The following MVP variants were observed in gnomAD, a reference collection of about 807,000 sequenced individuals.
MVP encodes lung resistance-related protein.
A neutral mutation model predicts 83.5 loss-of-function variants in MVP; 62 were observed. That is an observed-to-expected ratio of 0.74 (90% CI 0.61 to 0.92). The LOEUF (loss-of-function observed/expected upper bound fraction) is 0.92, where lower values mean the gene tolerates loss of function less well. Among genes scored for constraint, MVP ranks in the 40% least tolerant of loss-of-function variants. MVP has a pLI of 0.00. For missense variants in MVP, 1,000 were observed against 1,203.4 expected, an observed-to-expected ratio of 0.83 and a Z score of 2.50; for synonymous variants, 505 against 504.1, an observed-to-expected ratio of 1.00 and a Z score of -0.02.
At chr16:29,832,347 G>A (rs2067450407) in intron 3 of MVP, among the ~76,000 whole-genome samples, 1 of 142,852 alleles carries the variant, frequency 7.0e-6, no homozygotes, top group South Asian at 2.2e-4. Flanking sequence ...GCCCAGGCTG[G>A]AGTACAGTGG....
Position 29,830,585 on chromosome 16 carries a change from A to G in MVP, c.36A>G (p.Pro12=). The change falls in exon 2 of 15, where the codon CCA becomes CCG. Residue 12 remains proline (P), a synonymous_variant. Transcript: ENST00000357402. ...AAGAGTTCATCATCCGCATCCCCCC[A>G]TACCACTATATCCATGTGCTGGACC... ...ATEEFIIRIP[P]YHYIHVLDQN... is the part of the protein sequence containing the mutation. 6.2e-7 allele frequency: 1 copy of G among 1,613,928 alleles called. No individual in the cohort carries two copies. The highest frequency in any genetic ancestry group is 1.7e-5 in the Admixed American group (1 of 59,980).
chr16:29,845,206 A>AG (rs2067573766), intron 11 of MVP, among the ~76,000 whole-genome samples: 1 of 151,422 alleles, frequency 6.6e-6, no homozygotes, highest in Admixed American at 6.6e-5. Context: ...AAAGAAAAAA[A>AG]AAAAAAAAAG....
intron 1 of MVP, among the ~76,000 whole-genome samples, chr16:29,821,833 G>A (rs933483352): frequency 8.5e-5 from 13 of 152,196 alleles, no homozygotes; most frequent in Non-Finnish European, 1.9e-4. Context: ...ACTTAGGGGC[G>A]TTTGCCTAGA....
chr16:29,825,020 G>A (rs1383473336), intron 1 of MVP, among the ~76,000 whole-genome samples: 1 of 152,074 alleles, frequency 6.6e-6, no homozygotes, highest in Non-Finnish European at 1.5e-5. Flanking sequence ...TGGGATTACA[G>A]GTGTGAGCCA....
chr16:29,847,674 C>CCT (rs2067597605), intron 14 of MVP, 88 bp from the exon 15 acceptor site: 2 of 1,330,084 alleles, frequency 1.5e-6, no homozygotes, highest in Non-Finnish European at 2.1e-6. Context: ...GGGAGGTGAC[C>CCT]CTTCAAACCA....
rs904948593 is a variant in MVP at position 29,841,767 on chromosome 16, A to G, written c.1363A>G (p.Thr455Ala). The G allele has an allele frequency of 6.2e-7, 1 of 1,613,556 alleles. No individual in the cohort carries two copies. Among genetic ancestry groups the G allele is most frequent in the African/African-American group, 1.3e-5 (1 of 74,968 alleles). Residue 455 changes from threonine (T) to alanine (A), a missense_variant, in exon 9 of 15, where the codon ACC (threonine) becomes GCC (alanine). By Grantham distance (58) the Thr-to-Ala change is moderately conservative. Coordinates refer to ENST00000357402, the MANE Select transcript of MVP (RefSeq NM_005115.5). The surrounding 1 kb of genome is among the most constrained non-coding windows in gnomAD (Gnocchi z 4.7). Reference sequence around the variant, plus strand: ...CCAGCCCTTGGCGCCCCGGAACAAGACCCGTGTGGTCAGCTACCGCGTGCC... The same window carrying G: ...CCAGCCCTTGGCGCCCCGGAACAAGGCCCGTGTGGTCAGCTACCGCGTGCC... ...SLQPLAPRNK[T>A]RVVSYRVPHN...
Position 29,830,546 on chromosome 16 carries a change from C to T in MVP, c.-4C>T. 6.2e-7 allele frequency: 1 copy of T among 1,613,790 alleles called. No homozygotes were observed. The highest frequency in any genetic ancestry group is 1.1e-5 in the South Asian group (1 of 91,024). ...TCTTGTGAGCCCTGGGCTTAGGAGTCACCATGGCAACTGAAGAGTTCATCA... is the reference window on the plus strand; with the variant it reads ...TCTTGTGAGCCCTGGGCTTAGGAGTTACCATGGCAACTGAAGAGTTCATCA... On this transcript the variant is annotated 5_prime_UTR_variant, in exon 2 of 15. Coordinates refer to ENST00000357402, the MANE Select transcript of MVP (RefSeq NM_005115.5).
intron 11 of MVP, 62 bp downstream of exon 11, chr16:29,844,941 G>C: frequency 1.3e-6 from 2 of 1,537,588 alleles, no homozygotes. Flanking sequence ...CTGGGAACTG[G>C]ATAACCTGGC....
Position 29,834,025 on chromosome 16 carries a change from G to A in MVP, c.536G>A (p.Arg179His), listed in dbSNP as rs758642200. ...RQNQALRLRA[R>H]KECWDRDGKE... ...AACCAGGCTCTGCGGCTCAGGGCCC[G>A]CAAGGAGTGCTGGGACCGGGACGGC... The change falls in exon 5 of 15, where the codon CGC (arginine) becomes CAC (histidine). Residue 179 changes from arginine to histidine, a missense_variant. Arg to His is a conservative substitution (Grantham distance 29, BLOSUM62 0). Transcript: ENST00000357402. 13 of 1,613,966 alleles carry A rather than the reference G, an allele frequency of 8.1e-6. No homozygotes were observed. Among genetic ancestry groups the A allele is most frequent in the Admixed American group, 1.7e-5 (1 of 59,998 alleles).
intron 8 of MVP, among the ~76,000 whole-genome samples, chr16:29,840,739 C>G (rs1233004652): frequency 6.6e-6 from 1 of 152,078 alleles, no homozygotes; most frequent in Non-Finnish European, 1.5e-5. Context: ...GTCAGGAGTT[C>G]AAGACTAGCC....
chr16:29,844,488 C>A lies in MVP; in HGVS notation c.1635-5C>A. On this transcript the variant is annotated splice_polypyrimidine_tract_variant and splice_region_variant and intron_variant, in intron 10 of 14. Coordinates refer to ENST00000357402, the MANE Select transcript of MVP (RefSeq NM_005115.5). The stretch of plus-strand genomic sequence containing the variant: ...CTTCCCCATTCTGGGCCTGTTTGTT[C>A]ACAGGCACTTTGAGGTGAATGACCG... The A allele has an allele frequency of 6.5e-7, 1 of 1,530,234 alleles. No homozygotes were observed. The highest frequency in any genetic ancestry group is 1.3e-5 in the South Asian group (1 of 76,728). 94.8% of individuals were successfully genotyped at this position (1,530,234 alleles called of 1,614,324 possible).
chr16:29,847,915 G>GA lies in MVP; in HGVS notation c.2609dup (p.Ile872AspfsTer27), dbSNP rs1425298767. ...GGTGGCCAGTGGGCCCAGCCCTGGG[G>GA]AGGGGATATCCCCCCAGTCTGCTCA... On this transcript the variant is annotated frameshift_variant, in exon 15 of 15. Coordinates refer to ENST00000357402, the MANE Select transcript of MVP (RefSeq NM_005115.5). LOFTEE classifies it low-confidence loss of function (END_TRUNC). 3 of 1,613,866 alleles carry GA rather than the reference G, an allele frequency of 1.9e-6. No homozygotes were observed. The highest frequency in any genetic ancestry group is 2.5e-6 in the Non-Finnish European group (3 of 1,179,864).
chr16:29,824,394 A>G (rs867086135), intron 1 of MVP, among the ~76,000 whole-genome samples: 2 of 151,962 alleles, frequency 1.3e-5, no homozygotes, highest in Non-Finnish European at 1.5e-5. Flanking sequence ...CTGTGTTGCT[A>G]TCAAGCCTCC....
At chr16:29,844,308 GGA>G (rs1368755821) in intron 10 of MVP, among the ~76,000 whole-genome samples, 183 bp from the exon 11 acceptor site, 1 of 152,116 alleles carries the variant, frequency 6.6e-6, no homozygotes, top group Non-Finnish European at 1.5e-5. Flanking sequence ...AGTTCTTCTC[GGA>G]GAGAGTTGCT....
At chr16:29,833,224 A>C (rs2067458060) in intron 3 of MVP, 1 of 158,640 alleles carries the variant, frequency 6.3e-6, no homozygotes. Flanking sequence ...GGAAGACCCC[A>C]TCTCCAAAAA....
chr16:29,842,387 C>T (rs1418575020), intron 10 of MVP, among the ~76,000 whole-genome samples: 1 of 152,060 alleles, frequency 6.6e-6, no homozygotes, highest in Non-Finnish European at 1.5e-5. Context: ...CTCACTGCAA[C>T]CCCCACCTCC....
At chr16:29,834,144 A>G in intron 5 of MVP, 78 bp downstream of exon 5, 1 of 1,556,658 alleles carries the variant, frequency 6.4e-7, no homozygotes, top group South Asian at 1.2e-5. Context: ...AAGGTTGAGG[A>G]AAGCCTCCTG....
rs921108047 is a variant in MVP at position 29,835,891 on chromosome 16, G to A, written c.672+93G>A. On this transcript the variant is annotated intron_variant, in intron 6 of 14. Transcript: ENST00000357402. ...GTGGTAGAATGGCATGAGAGTAAAA[G>A]AGAAGCAATAATTTTAGGGTCACTT... 5 of 1,035,084 alleles carry A rather than the reference G, an allele frequency of 4.8e-6. No homozygotes were observed. In the African/African-American group the frequency reaches 6.4e-5, roughly 13 times the overall value. 64.1% of individuals were successfully genotyped at this position (1,035,084 alleles called of 1,614,324 possible).
At position 29,833,825 on chromosome 16, in the gene MVP, G is replaced by A. The variant is rs755478236; in HGVS notation, c.414G>A (p.Val138=). The A allele has an allele frequency of 6.2e-7, 1 of 1,614,098 alleles. No individual in the cohort carries two copies. Among genetic ancestry groups the A allele is most frequent in the Non-Finnish European group, 8.5e-7 (1 of 1,180,010 alleles). The change falls in exon 4 of 15, where the codon GTG becomes GTA. Residue 138 remains valine, a synonymous_variant. Coordinates refer to ENST00000357402, the MANE Select transcript of MVP (RefSeq NM_005115.5). ...AGGATAAAGATGGAGACAAGGTGGT[G>A]GCAGGAGATGAGTGGCTTTTCGAGG... ...DFEDKDGDKV[V]AGDEWLFEGP... is the part of the protein sequence containing the mutation.
Sources: allele counts gnomAD v4.1 joint callset (sites outside exome capture counted in the v4.1 genomes callset), GRCh38; gene constraint gnomAD v4.1.1; non-coding constraint Gnocchi (gnomAD v3.1); transcripts MANE v1.5; gene names NCBI Gene and HGNC (gene_info 2026-07-23, HGNC 2026-07-21).